Variants in GRIK2 observed in about 807,000 individuals in gnomAD.
The protein encoded by GRIK2 is glutamate ionotropic receptor kainate type subunit 2.
Under a neutral mutation model 100.3 loss-of-function variants are expected in GRIK2, and 32 were observed. The observed-to-expected ratio is 0.32, with a 90% CI of 0.24 to 0.43. The LOEUF is 0.43. Ranked by LOEUF, GRIK2 falls within the 20% of genes least tolerant of loss-of-function variation. The probability of loss-of-function intolerance (pLI) is 1.00; values close to 1 mark genes in which losing one functional copy is unlikely to be tolerated. For synonymous variants in GRIK2, 417 were observed against 389.4 expected (o/e 1.07, Z -0.83); for missense variants, 843 against 1,114.9 (o/e 0.76, Z 3.47).
intron 7 of GRIK2, among the ~76,000 whole-genome samples, chr6:101,782,541 T>G (rs1779161824): frequency 6.6e-6 from 1 of 152,224 alleles, no homozygotes; most frequent in Non-Finnish European, 1.5e-5. Flanking sequence ...ATGATTTCAT[T>G]TCTTTTTCAT....
At chr6:101,485,567 T>C (rs1772776170) in intron 2 of GRIK2, among the ~76,000 whole-genome samples, 2 of 152,192 alleles carry the variant, frequency 1.3e-5, no homozygotes, top group African/African-American at 2.4e-5. Context: ...GTCATTTGTT[T>C]AAGTCATTAA....
rs74874394 is a variant in GRIK2, at chr6:101,706,730, C to T, written c.951+20377C>T. Among the ~76,000 whole-genome samples, 4 of 151,946 alleles carry T rather than the reference C, an allele frequency of 2.6e-5. No homozygotes were observed. The South Asian group carries it at 8.3e-4, about 31-fold the overall frequency. ...GCCAGGCCAATGGGGATTCCTAGAG[C>T]CACAGCTTTTCATTAGAGGAATTTT... On this transcript the variant is annotated intron_variant, in intron 7 of 16. Transcript: ENST00000369134.
At chr6:102,040,912 A>T (rs923727410) in intron 15 of GRIK2, among the ~76,000 whole-genome samples, 2 of 151,588 alleles carry the variant, frequency 1.3e-5, no homozygotes, top group Non-Finnish European at 3.0e-5. Context: ...ATTAAAATGC[A>T]TTCTATTTTC....
chr6:101,711,285 T>C (rs1428680039), intron 7 of GRIK2, among the ~76,000 whole-genome samples: 2 of 151,842 alleles, frequency 1.3e-5, no homozygotes, highest in African/African-American at 4.8e-5. Flanking sequence ...ACTGACTGTA[T>C]AGTAAATATG....
At chr6:101,483,067 C>A (rs1432301874) in intron 2 of GRIK2, among the ~76,000 whole-genome samples, 1 of 152,142 alleles carries the variant, frequency 6.6e-6, no homozygotes, top group Admixed American at 6.5e-5. Context: ...AAAAACTTTA[C>A]AAATACATAG....
chr6:101,942,082 T>A (rs565632980), intron 14 of GRIK2, among the ~76,000 whole-genome samples: 21 of 152,228 alleles, frequency 1.4e-4, no homozygotes, highest in African/African-American at 5.1e-4. Context: ...TGATGGATGC[T>A]CTAGCTATGT....
intron 2 of GRIK2, among the ~76,000 whole-genome samples, chr6:101,583,538 A>G (rs1778204309): frequency 6.6e-6 from 1 of 152,124 alleles, no homozygotes; most frequent in South Asian, 2.1e-4. Context: ...TTTGCCCTCT[A>G]GTCCTTAGCT....
chr6:101,720,163 A>C (rs1325398146), intron 7 of GRIK2, among the ~76,000 whole-genome samples: 1 of 151,850 alleles, frequency 6.6e-6, no homozygotes, highest in Non-Finnish European at 1.5e-5. Context: ...TCAAACTTAC[A>C]AAAAAGGGTA....
chr6:101,512,507 T>C (rs1287876970), intron 2 of GRIK2, among the ~76,000 whole-genome samples: 1 of 152,104 alleles, frequency 6.6e-6, no homozygotes, highest in Non-Finnish European at 1.5e-5. Context: ...ATTCAACTGA[T>C]GCATTTCCAT....
At chr6:101,982,509 G>A (rs571556319) in intron 14 of GRIK2, among the ~76,000 whole-genome samples, 2 of 151,796 alleles carry the variant, frequency 1.3e-5, no homozygotes, top group East Asian at 2.0e-4. Flanking sequence ...TGAATCGTGG[G>A]TGTAATTTAA....
chr6:102,067,460 C>T (rs557522838), intron 16 of GRIK2, among the ~76,000 whole-genome samples: 88 of 151,638 alleles, frequency 5.8e-4, no homozygotes, highest in Non-Finnish European at 3.2e-4. Context: ...AAGCAGCTAA[C>T]GCACAAATAA....
At chr6:101,987,641 CAAT>C (rs767009572) in intron 14 of GRIK2, among the ~76,000 whole-genome samples, 7 of 149,750 alleles carry the variant, frequency 4.7e-5, no homozygotes, top group African/African-American at 1.5e-4. Flanking sequence ...ATTATTAAGA[CAAT>C]AATATATAAG....
chr6:101,579,290 A>G (rs1024824226), intron 2 of GRIK2, among the ~76,000 whole-genome samples: 1 of 152,172 alleles, frequency 6.6e-6, no homozygotes, highest in Non-Finnish European at 1.5e-5. Context: ...TGTATATTTC[A>G]TGATTCATTT....
chr6:101,756,585 A>G (rs999775457), intron 7 of GRIK2, among the ~76,000 whole-genome samples: 5 of 152,188 alleles, frequency 3.3e-5, no homozygotes, highest in Non-Finnish European at 7.4e-5. Flanking sequence ...AGGCTGTTCT[A>G]CTAAACGTCA....
At chr6:101,555,181 T>G (rs1192536808) in intron 2 of GRIK2, among the ~76,000 whole-genome samples, 1 of 152,226 alleles carries the variant, frequency 6.6e-6, no homozygotes, top group Admixed American at 6.5e-5. Flanking sequence ...TGGTAACCCC[T>G]TTTACTTTTA....
At chr6:101,998,472 T>C (rs1347696893) in intron 14 of GRIK2, among the ~76,000 whole-genome samples, 1 of 152,114 alleles carries the variant, frequency 6.6e-6, no homozygotes, top group Non-Finnish European at 1.5e-5. Flanking sequence ...TCAAGTTTAA[T>C]GAAACCTGAT....
intron 2 of GRIK2, among the ~76,000 whole-genome samples, chr6:101,558,164 C>T (rs1776834228): frequency 6.6e-6 from 1 of 152,186 alleles, no homozygotes; most frequent in Admixed American, 6.5e-5. Context: ...TTAATCTCTG[C>T]TCTCATTCTA....
intron 7 of GRIK2, among the ~76,000 whole-genome samples, chr6:101,724,079 G>T (rs1360992375): frequency 3.9e-5 from 5 of 127,840 alleles, no homozygotes; most frequent in Non-Finnish European, 8.0e-5. Flanking sequence ...GACATTTCTG[G>T]TTGTCATAGG....
Position 101,498,994 on chromosome 6 carries a change from G to T in GRIK2, c.115+99602G>T, listed in dbSNP as rs372534962. ...CTAGGTTTTCTTCTAGGGTTTTTAT[G>T]GTTTTAGGTCTAATGTTTCAAGCAA... On this transcript the variant is annotated intron_variant, in intron 2 of 16. Coordinates refer to ENST00000369134, the MANE Select transcript of GRIK2 (RefSeq NM_021956.5). 3.8e-4 allele frequency among the ~76,000 whole-genome samples: 58 copies of T among 152,146 alleles called. No homozygotes were observed. The East Asian group carries it at 5.8e-3, about 15-fold the overall frequency.
Sources: gnomAD v4.1 joint callset for allele counts (sites outside exome capture counted in the v4.1 genomes callset) on GRCh38, gnomAD v4.1.1 for gene constraint, MANE v1.5 for transcripts, NCBI Gene and HGNC (gene_info 2026-07-23, HGNC 2026-07-21) for gene names.